Variants in PPP2R3A observed in about 807,000 individuals in gnomAD.
PPP2R3A encodes the protein protein phosphatase 2 regulatory subunit B''alpha.
In PPP2R3A, 80 loss-of-function variants were observed where a neutral mutation model predicts 106.9. That is an observed-to-expected ratio of 0.75 (90% confidence interval 0.62 to 0.90). The LOEUF is 0.90. Among genes scored for constraint, PPP2R3A ranks in the 40% least tolerant of loss-of-function variants. PPP2R3A has a pLI of 0.00. For missense variants in PPP2R3A, 1,386 were observed against 1,350.4 expected (o/e 1.03, Z -0.41); for synonymous variants, 483 against 468.3 (o/e 1.03, Z -0.41).
At chr3:136,041,117 C>T (rs1935252699) in intron 4 of PPP2R3A, among the ~76,000 whole-genome samples, 155 bp downstream of exon 4, 2 of 152,066 alleles carry the variant, frequency 1.3e-5, no homozygotes, top group African/African-American at 4.8e-5. Flanking sequence ...CATTTATACT[C>T]ACATACAAGT....
chr3:136,090,868 T>A (rs1371467709), intron 10 of PPP2R3A, among the ~76,000 whole-genome samples: 5 of 152,234 alleles, frequency 3.3e-5, no homozygotes, highest in African/African-American at 1.2e-4. Flanking sequence ...AGAGAAGTGC[T>A]GTTACCCACA....
At chr3:136,006,116 A>G (rs944087624) in intron 2 of PPP2R3A, among the ~76,000 whole-genome samples, 4 of 152,172 alleles carry the variant, frequency 2.6e-5, no homozygotes, top group South Asian at 2.1e-4. Context: ...ACTGGGCTCT[A>G]AATGTGCTTC....
At chr3:136,013,728 T>C (rs1934173561) in intron 2 of PPP2R3A, among the ~76,000 whole-genome samples, 1 of 152,226 alleles carries the variant, frequency 6.6e-6, no homozygotes, top group South Asian at 2.1e-4. Context: ...CTGATTTGTT[T>C]TGAGTTCTGT....
intron 1 of PPP2R3A, among the ~76,000 whole-genome samples, chr3:135,976,437 G>A (rs1937423089): frequency 1.3e-5 from 2 of 152,318 alleles, no homozygotes; most frequent in Middle Eastern, 6.8e-3. Context: ...CACTAAGAGG[G>A]AAGACTTTCT....
At chr3:136,144,597 G>T (rs543183795) in intron 13 of PPP2R3A, among the ~76,000 whole-genome samples, 2 of 151,896 alleles carry the variant, frequency 1.3e-5, no homozygotes, top group East Asian at 3.9e-4. Flanking sequence ...GGAGGCAGAG[G>T]TTGCAGTGAG....
intron 13 of PPP2R3A, among the ~76,000 whole-genome samples, chr3:136,131,305 C>CA (rs1284127905): frequency 6.6e-6 from 1 of 151,948 alleles, no homozygotes; most frequent in African/African-American, 2.4e-5. Flanking sequence ...ACAAAGAACT[C>CA]AAACAAATTT....
At chr3:136,048,847 T>A (rs1357947243) in intron 4 of PPP2R3A, among the ~76,000 whole-genome samples, 2 of 152,030 alleles carry the variant, frequency 1.3e-5, no homozygotes, top group Non-Finnish European at 2.9e-5. Context: ...AACAACATGG[T>A]AGTTGATAGG....
chr3:136,039,807 T>C (rs777951617), intron 3 of PPP2R3A, among the ~76,000 whole-genome samples: 6 of 152,196 alleles, frequency 3.9e-5, no homozygotes, highest in Non-Finnish European at 8.8e-5. Context: ...GAGTTCTTAC[T>C]AAATTTACCT....
chr3:135,966,132 C>T (rs1226002593), intron 1 of PPP2R3A, among the ~76,000 whole-genome samples: 1 of 151,898 alleles, frequency 6.6e-6, no homozygotes, highest in Non-Finnish European at 1.5e-5. Context: ...CCAGGGGCGC[C>T]CGCGGAGGAG....
chr3:136,104,817 G>T (rs1937475124), intron 12 of PPP2R3A, among the ~76,000 whole-genome samples: 4 of 152,056 alleles, frequency 2.6e-5, no homozygotes, highest in Admixed American at 2.6e-4. Context: ...CTCATGTTCG[G>T]CTTGGAAAGA....
At chr3:135,979,795 C>T (rs1026545582) in intron 1 of PPP2R3A, among the ~76,000 whole-genome samples, 2 of 150,960 alleles carry the variant, frequency 1.3e-5, no homozygotes, top group Non-Finnish European at 2.9e-5. Flanking sequence ...AAGAGAGACA[C>T]CAAGAGAGGG....
chr3:136,013,807 G>GTTTGTTTACTGTGCTGA (rs60213766), intron 2 of PPP2R3A, among the ~76,000 whole-genome samples: 1 of 151,600 alleles, frequency 6.6e-6, no homozygotes, highest in Non-Finnish European at 1.5e-5. Context: ...GCTGTGGTTT[G>GTTTGTTTACTGTGCTGA]TTATTTCTTT....
At chr3:136,016,594 G>C (rs553664080) in intron 2 of PPP2R3A, among the ~76,000 whole-genome samples, 1 of 151,786 alleles carries the variant, frequency 6.6e-6, no homozygotes, top group Non-Finnish European at 1.5e-5. Flanking sequence ...AACTGTTGTC[G>C]CTTTAAAGTC....
intron 5 of PPP2R3A, among the ~76,000 whole-genome samples, chr3:136,063,529 A>AAAGGGCT (rs1478627745): frequency 1.3e-5 from 2 of 152,384 alleles, no homozygotes; most frequent in African/African-American, 4.8e-5. Context: ...CTCATCTGAC[A>AAAGGGCT]AAGGGCTAAT....
At chr3:136,042,044 ATTG>A (rs1239076825) in intron 4 of PPP2R3A, among the ~76,000 whole-genome samples, 1 of 152,134 alleles carries the variant, frequency 6.6e-6, no homozygotes, top group Non-Finnish European at 1.5e-5. Context: ...CTACTCACCT[ATTG>A]TTATTATTAT....
At chr3:136,109,205 A>G (rs1937560334) in intron 13 of PPP2R3A, among the ~76,000 whole-genome samples, 3 of 152,206 alleles carry the variant, frequency 2.0e-5, no homozygotes, top group Admixed American at 2.0e-4. Flanking sequence ...ATGCTCTCAA[A>G]AGCTGATAAG....
At position 135,965,929 on chromosome 3, in the gene PPP2R3A, G is replaced by A. The variant is rs563303638; in HGVS notation, c.-441+80G>A. 130 of 152,778 alleles carry A rather than the reference G, an allele frequency of 8.5e-4. 5 individuals carry two copies. The South Asian group carries it at 0.023, about 27-fold the overall frequency. The allele number at this position is 152,778 out of a possible 1,614,324, so 9.5% of individuals were successfully genotyped here. A position where few individuals can be genotyped will look rare whatever the true frequency, so the allele number is the denominator to read the frequency against. On this transcript the variant is annotated intron_variant, in intron 1 of 13. Transcript: ENST00000264977. ...GCCCGAGGGGGTGGCGAGGCTCGGG[G>A]CGGCGCGCGGAGGCCGGGGCGGGCG...
intron 2 of PPP2R3A, among the ~76,000 whole-genome samples, chr3:136,025,632 A>G (rs992484276): frequency 6.6e-6 from 1 of 152,100 alleles, no homozygotes; most frequent in Non-Finnish European, 1.5e-5. Context: ...TTATAAACCT[A>G]TATGTTAAGA....
chr3:136,010,568 A>C (rs1934031320), intron 2 of PPP2R3A, among the ~76,000 whole-genome samples: 1 of 150,788 alleles, frequency 6.6e-6, no homozygotes, highest in Non-Finnish European at 1.5e-5. Flanking sequence ...CTGGGACTAC[A>C]GGCGCCCGCC....
Sources: allele counts gnomAD v4.1 joint callset (sites outside exome capture counted in the v4.1 genomes callset), GRCh38; gene constraint gnomAD v4.1.1; transcripts MANE v1.5; gene names NCBI Gene and HGNC (gene_info 2026-07-23, HGNC 2026-07-21).